The following NUCKS1 variants were observed in gnomAD, a reference collection of about 807,000 sequenced individuals.
NUCKS1 encodes nuclear ubiquitous casein and cyclin-dependent kinase substrate 1.
Under a neutral mutation model 33.0 loss-of-function variants are expected in NUCKS1, and 2 were observed. The ratio of observed to expected loss-of-function variants is 0.06; its 90% CI spans 0.02 to 0.19. The LOEUF (loss-of-function observed/expected upper bound fraction) is 0.19, where lower values mean the gene tolerates loss of function less well. Ranked by LOEUF, NUCKS1 falls within the 10% of genes least tolerant of loss-of-function variation. NUCKS1 has a pLI of 1.00. For synonymous variants in NUCKS1, 106 were observed against 102.8 expected, an observed-to-expected ratio of 1.03 and a Z score of -0.19; for missense variants, 201 against 293.6, an observed-to-expected ratio of 0.68 and a Z score of 2.31.
chr1:205,716,266 T>C lies in NUCKS1; in HGVS notation c.*2014A>G, dbSNP rs1671821699. 1 of 152,088 alleles carries C rather than the reference T, an allele frequency of 6.6e-6. No individual in the cohort carries two copies. Among genetic ancestry groups the C allele is most frequent in the South Asian group, 2.1e-4 (1 of 4,834 alleles). 9.4% of individuals were successfully genotyped at this position (152,088 alleles called of 1,614,324 possible). A position where few individuals can be genotyped will look rare whatever the true frequency, so the allele number is the denominator to read the frequency against. On this transcript the variant is annotated 3_prime_UTR_variant, in exon 7 of 7. Coordinates refer to ENST00000367142, the MANE Select transcript of NUCKS1 (RefSeq NM_022731.5). Reference sequence around the variant, plus strand: ...CCTCCCCCCAAATCTTCACGAAACATAACCTAAGAAAAGCCCAAATGTTAC... The same window carrying C: ...CCTCCCCCCAAATCTTCACGAAACACAACCTAAGAAAAGCCCAAATGTTAC...
rs138020930 is a variant in NUCKS1 at position 205,728,328 on chromosome 1, GCA to G, written c.68-525_68-524del. On this transcript the variant is annotated intron_variant, in intron 2 of 6. Transcript: ENST00000367142. ...CTGCACCATTTGCACACACACACAT[GCA>G]CACACACACACACACGATGGCGAGA... 2.6e-4 allele frequency among the ~76,000 whole-genome samples: 38 copies of G among 148,992 alleles called. 1 individual carries two copies. The highest frequency in any genetic ancestry group is 1.9e-3 in the South Asian group (9 of 4,730).
At chr1:205,738,311 A>T (rs1039243980) in intron 1 of NUCKS1, among the ~76,000 whole-genome samples, 1 of 151,774 alleles carries the variant, frequency 6.6e-6, no homozygotes, top group Non-Finnish European at 1.5e-5. Context: ...TACAGGCATG[A>T]GCCACCATGC....
chr1:205,745,758 C>T (rs1466843266), intron 1 of NUCKS1, among the ~76,000 whole-genome samples: 1 of 152,124 alleles, frequency 6.6e-6, no homozygotes, highest in Non-Finnish European at 1.5e-5. Context: ...AGCTCTGTAA[C>T]TGTAACATAT....
chr1:205,730,528 G>A (rs867168697), intron 1 of NUCKS1, among the ~76,000 whole-genome samples: 1 of 146,660 alleles, frequency 6.8e-6, no homozygotes, highest in African/African-American at 2.5e-5. Flanking sequence ...TTGCCCTGTC[G>A]CCCAGGCTAG....
chr1:205,718,341 G>A lies in NUCKS1; in HGVS notation c.671C>T (p.Pro224Leu), dbSNP rs1452467500. The A allele has an allele frequency of 3.0e-5, 48 of 1,613,264 alleles. No homozygotes were observed. The highest frequency in any genetic ancestry group is 4.0e-5 in the Non-Finnish European group (47 of 1,179,880). The change falls in exon 7 of 7, where the codon CCC (proline) becomes CTC (leucine). Residue 224 changes from proline to leucine, a missense_variant. Coordinates refer to ENST00000367142, the MANE Select transcript of NUCKS1 (RefSeq NM_022731.5). ...TTCATCCCCAGATTTCTCGGGTGGGGGGCTTGTAGATGTTTTCTTTTCTGG... is the reference window on the plus strand; with the variant it reads ...TTCATCCCCAGATTTCTCGGGTGGGAGGCTTGTAGATGTTTTCTTTTCTGG... ...SPPEKKTSTS[P>L]PPEKSGDEGS...
chr1:205,725,182 C>T (rs1412318204), intron 3 of NUCKS1, among the ~76,000 whole-genome samples: 3 of 152,132 alleles, frequency 2.0e-5, no homozygotes. Flanking sequence ...ATATCCAGCA[C>T]CTAGTAGTCT....
At chr1:205,720,978 A>G (rs1435642958) in intron 4 of NUCKS1, among the ~76,000 whole-genome samples, 3 of 152,178 alleles carry the variant, frequency 2.0e-5, no homozygotes, top group Non-Finnish European at 4.4e-5. Flanking sequence ...ATGGAGCTGG[A>G]GGCCATTATC....
At chr1:205,738,859 G>A (rs964709814) in intron 1 of NUCKS1, among the ~76,000 whole-genome samples, 3 of 152,110 alleles carry the variant, frequency 2.0e-5, no homozygotes, top group South Asian at 2.1e-4. Flanking sequence ...AGTGCGAGTC[G>A]AGATCACCAC....
At position 205,715,438 on chromosome 1, in the gene NUCKS1, C is replaced by G. The variant is rs1352830676; in HGVS notation, c.*2842G>C. Reference sequence around the variant, plus strand: ...TGAAATGAGGAGATGTTTTAGAAAGCAGGACAAATCTACCTACCATTACTG... The same window carrying G: ...TGAAATGAGGAGATGTTTTAGAAAGGAGGACAAATCTACCTACCATTACTG... On this transcript the variant is annotated 3_prime_UTR_variant, in exon 7 of 7. Coordinates refer to ENST00000367142, the MANE Select transcript of NUCKS1 (RefSeq NM_022731.5). 6.6e-6 allele frequency: 1 copy of G among 152,186 alleles called. No individual in the cohort carries two copies. The highest frequency in any genetic ancestry group is 1.5e-5 in the Non-Finnish European group (1 of 68,042). 9.4% of individuals were successfully genotyped at this position (152,186 alleles called of 1,614,324 possible). A position where few individuals can be genotyped will look rare whatever the true frequency, so the allele number is the denominator to read the frequency against.
chr1:205,750,014 C>CCGGGCGG lies in NUCKS1; in HGVS notation c.-42_-41insCCGCCCG. On this transcript the variant is annotated 5_prime_UTR_variant, in exon 1 of 7. Coordinates refer to ENST00000367142, the MANE Select transcript of NUCKS1 (RefSeq NM_022731.5). ...AGGACCGAGTCGAGAAGCCAAAGAC[C>CCGGGCGG]AGGACCCCCCCCACCCCGCGCGCTC... is the stretch of plus-strand genomic sequence containing the variant. 1 of 1,568,956 alleles carries CCGGGCGG rather than the reference C, an allele frequency of 6.4e-7. No homozygotes were observed. The highest frequency in any genetic ancestry group is 8.7e-7 in the Non-Finnish European group (1 of 1,154,226).
chr1:205,728,948 G>A (rs561861067), intron 2 of NUCKS1, among the ~76,000 whole-genome samples: 150 of 150,716 alleles, frequency 1.0e-3, no homozygotes, highest in Non-Finnish European at 1.8e-3. Context: ...ATTCATAGGC[G>A]TGAGCCACTG....
intron 1 of NUCKS1, among the ~76,000 whole-genome samples, chr1:205,744,084 T>C (rs1014797725): frequency 6.6e-6 from 1 of 152,290 alleles, no homozygotes; most frequent in South Asian, 2.1e-4. Flanking sequence ...CTCTTCACAT[T>C]TTCTCCTCTT....
At chr1:205,745,551 A>C (rs184619544) in intron 1 of NUCKS1, among the ~76,000 whole-genome samples, 3 of 152,356 alleles carry the variant, frequency 2.0e-5, no homozygotes, top group Admixed American at 6.5e-5. Context: ...CGCTAAGTTA[A>C]ACATTTTGGC....
At chr1:205,734,433 C>T (rs781651416) in intron 1 of NUCKS1, among the ~76,000 whole-genome samples, 1 of 151,910 alleles carries the variant, frequency 6.6e-6, no homozygotes, top group Non-Finnish European at 1.5e-5. Context: ...ACCATAAAAT[C>T]AGTGTAAAGC....
chr1:205,736,414 A>G (rs1263880847), intron 1 of NUCKS1, among the ~76,000 whole-genome samples: 1 of 152,164 alleles, frequency 6.6e-6, no homozygotes, highest in Non-Finnish European at 1.5e-5. Context: ...TATGTAGTAG[A>G]GCTACTGGAC....
intron 4 of NUCKS1, among the ~76,000 whole-genome samples, chr1:205,721,059 A>G (rs772921031): frequency 6.9e-6 from 1 of 145,692 alleles, no homozygotes; most frequent in Non-Finnish European, 1.5e-5. Context: ...GAGCTGAACA[A>G]TGAGAACACA....
At chr1:205,740,029 G>T (rs1322019215) in intron 1 of NUCKS1, among the ~76,000 whole-genome samples, 2 of 105,192 alleles carry the variant, frequency 1.9e-5, no homozygotes, top group African/African-American at 3.7e-5. Context: ...GAGAGACAGT[G>T]TCTCCCTCTG....
chr1:205,715,029 G>A lies in NUCKS1; in HGVS notation c.*3251C>T, dbSNP rs191430734. The A allele has an allele frequency of 7.9e-5, 12 of 152,042 alleles. No homozygotes were observed. Among genetic ancestry groups the A allele is most frequent in the East Asian group, 5.8e-4 (3 of 5,176 alleles). The allele number at this position is 152,042 out of a possible 1,614,324, so 9.4% of individuals were successfully genotyped here. A position where few individuals can be genotyped will look rare whatever the true frequency, so the allele number is the denominator to read the frequency against. On this transcript the variant is annotated 3_prime_UTR_variant, in exon 7 of 7. Coordinates refer to ENST00000367142, the MANE Select transcript of NUCKS1 (RefSeq NM_022731.5). ...TAAACTGAAGTTTAAAGAAAAGCAC[G>A]ATTCCCATCCCCAACCAGTACTTGA... is the stretch of plus-strand genomic sequence containing the variant.
chr1:205,744,462 T>A (rs913041807), intron 1 of NUCKS1, among the ~76,000 whole-genome samples: 3 of 152,118 alleles, frequency 2.0e-5, no homozygotes. Flanking sequence ...AGGAAGTGAT[T>A]TTTTTTCAGC....
Sources: allele counts gnomAD v4.1 joint callset (sites outside exome capture counted in the v4.1 genomes callset), GRCh38; gene constraint gnomAD v4.1.1; transcripts MANE v1.5; gene names NCBI Gene and HGNC (gene_info 2026-07-23, HGNC 2026-07-21).